Variants in ASPHD2 observed in about 807,000 individuals in gnomAD.
ASPHD2 encodes aspartate beta-hydroxylase domain-containing protein 2.
ASPHD2 carries 12 observed loss-of-function variants against 34.6 expected under a neutral mutation model. The observed-to-expected ratio is 0.35, with a 90% confidence interval of 0.22 to 0.56. The LOEUF (loss-of-function observed/expected upper bound fraction) is 0.56, where lower values mean the gene tolerates loss of function less well. Among genes scored for constraint, ASPHD2 ranks in the 20% least tolerant of loss-of-function variants. The pLI is 0.87. For synonymous variants in ASPHD2, 224 were observed against 212.2 expected (o/e 1.06, Z -0.48); for missense variants, 375 against 505.0 (o/e 0.74, Z 2.47).
intron 2 of ASPHD2, among the ~76,000 whole-genome samples, chr22:26,440,292 C>A (rs2084827604): frequency 6.6e-6 from 1 of 151,990 alleles, no homozygotes; most frequent in African/African-American, 2.4e-5. Flanking sequence ...AAGCATACGG[C>A]TTATTTTTTA....
At chr22:26,439,953 T>C (rs1414408683) in intron 2 of ASPHD2, among the ~76,000 whole-genome samples, 2 of 152,242 alleles carry the variant, frequency 1.3e-5, no homozygotes, top group Non-Finnish European at 2.9e-5. Context: ...AGGAAAGCTA[T>C]TTCATTTTTA....
In ASPHD2 at chr22:26,433,871, T is replaced by C. The variant is rs371186797; in HGVS notation, c.256T>C (p.Tyr86His). ...CGTGGGCAGGGAGCAGCCCCGGCCC[T>C]ACGTCTCCGTCAACTCCCTCATGCA... The part of the protein sequence containing the change: ...YHVGREQPRP[Y>H]VSVNSLMQAA... The change falls in exon 2 of 4, where the codon TAC (tyrosine) becomes CAC (histidine). Residue 86 changes from tyrosine (Y) to histidine (H), a missense_variant. This residue lies in a region of ASPHD2 where 223 missense variants were observed against 257.8 expected (regional missense o/e 0.87). Transcript: ENST00000215906. This position sits in a 1 kb window ranked among gnomAD's most constrained non-coding sequence, Gnocchi z 5.1. 1 of 1,613,762 alleles carries C rather than the reference T, an allele frequency of 6.2e-7. No homozygotes were observed. The highest frequency in any genetic ancestry group is 8.5e-7 in the Non-Finnish European group (1 of 1,180,054).
chr22:26,435,760 G>GAA (rs869136832), intron 2 of ASPHD2, among the ~76,000 whole-genome samples: 2 of 117,672 alleles, frequency 1.7e-5, no homozygotes, highest in South Asian at 2.6e-4. Context: ...GAAAAGAAAA[G>GAA]AAAAATATAA....
At chr22:26,441,352 C>T (rs1394365461) in intron 2 of ASPHD2, among the ~76,000 whole-genome samples, 1 of 152,064 alleles carries the variant, frequency 6.6e-6, no homozygotes, top group African/African-American at 2.4e-5. Flanking sequence ...ATGGTGCACA[C>T]CTATAGTCTC....
chr22:26,443,182 T>C lies in ASPHD2; in HGVS notation c.1086T>C (p.Asp362=). The C allele has an allele frequency of 6.2e-7, 1 of 1,614,150 alleles. No homozygotes were observed. Among genetic ancestry groups the C allele is most frequent in the South Asian group, 1.1e-5 (1 of 91,088 alleles). Residue 362 remains aspartate, a synonymous_variant, in exon 4 of 4, where the codon GAT becomes GAC. Coordinates refer to ENST00000215906, the MANE Select transcript of ASPHD2 (RefSeq NM_020437.5). The part of the protein sequence containing the change: ...NVAAAERQAL[D]FIFAPGR ...CAGCGGCCGAACGGCAGGCTCTTGA[T>C]TTCATCTTTGCTCCGGGACGATGAG...
chr22:26,442,434 C>T, intron 2 of ASPHD2, 25 bp from the exon 3 acceptor site: 1 of 1,527,302 alleles, frequency 6.5e-7, no homozygotes, highest in Non-Finnish European at 8.9e-7. Flanking sequence ...TGCCTTCACT[C>T]TCCTTTCTCT....
In ASPHD2 at chr22:26,433,945, C is replaced by T. The variant is rs1163125992; in HGVS notation, c.330C>T (p.Ser110=). The T allele has an allele frequency of 6.2e-7, 1 of 1,613,498 alleles. No individual in the cohort carries two copies. The highest frequency in any genetic ancestry group is 8.5e-7 in the Non-Finnish European group (1 of 1,180,036). The change falls in exon 2 of 4, where the codon TCC becomes TCT. Residue 110 remains serine, a synonymous_variant. Transcript: ENST00000215906. The surrounding 1 kb of genome is among the most constrained non-coding windows in gnomAD (Gnocchi z 5.1). Reference sequence around the variant, plus strand: ...AGAATGGCTACGTGTACTGCCAGTCCCCTGAGTGCGTGCGCTGCACCCACA... The same window carrying T: ...AGAATGGCTACGTGTACTGCCAGTCTCCTGAGTGCGTGCGCTGCACCCACA... ...GLQNGYVYCQ[S]PECVRCTHNE...
At position 26,442,568 on chromosome 22, in the gene ASPHD2, T is replaced by C. The variant is rs151138041; in HGVS notation, c.996T>C (p.His332=). ...ACTCTTTCCTGCATGCTGCGTTCCA[T>C]GAAGGTGAGTGGCTGCCTTTCCCAC... ...FDDSFLHAAF[H]EGSAEDGPRV... The change falls in exon 3 of 4, where the codon CAT becomes CAC. Residue 332 remains histidine (H), a synonymous_variant. Coordinates refer to ENST00000215906, the MANE Select transcript of ASPHD2 (RefSeq NM_020437.5). 12 of 1,596,260 alleles carry C rather than the reference T, an allele frequency of 7.5e-6. No homozygotes were observed. The highest frequency in any genetic ancestry group is 9.4e-6 in the Non-Finnish European group (11 of 1,168,732).
In ASPHD2 at chr22:26,433,873, C is replaced by T. The variant is rs1220158618; in HGVS notation, c.258C>T (p.Tyr86=). 2.5e-6 allele frequency: 4 copies of T among 1,613,746 alleles called. No individual in the cohort carries two copies. Among genetic ancestry groups the T allele is most frequent in the East Asian group, 2.2e-5 (1 of 44,886 alleles). Residue 86 remains tyrosine (Y), a synonymous_variant, in exon 2 of 4, where the codon TAC becomes TAT. Coordinates refer to ENST00000215906, the MANE Select transcript of ASPHD2 (RefSeq NM_020437.5). This position sits in a 1 kb window ranked among gnomAD's most constrained non-coding sequence, Gnocchi z 5.1. Reference sequence around the variant, plus strand: ...TGGGCAGGGAGCAGCCCCGGCCCTACGTCTCCGTCAACTCCCTCATGCAGG... The same window carrying T: ...TGGGCAGGGAGCAGCCCCGGCCCTATGTCTCCGTCAACTCCCTCATGCAGG... ...YHVGREQPRP[Y]VSVNSLMQAA...
chr22:26,429,337 G>A lies in ASPHD2; in HGVS notation c.-374G>A. 6.6e-6 allele frequency: 1 copy of A among 151,378 alleles called. No individual in the cohort carries two copies. Among genetic ancestry groups the A allele is most frequent in the Non-Finnish European group, 1.5e-5 (1 of 68,648 alleles). The allele number at this position is 151,378 out of a possible 1,614,324, so 9.4% of individuals were successfully genotyped here. A position where few individuals can be genotyped will look rare whatever the true frequency, so the allele number is the denominator to read the frequency against. ...GGGCACCGGCGCGGCTTAGGCTCGG[G>A]CTCGGGCTCCGGCTCGGGCTCCCGC... On this transcript the variant is annotated 5_prime_UTR_variant, in exon 1 of 4. Coordinates refer to ENST00000215906, the MANE Select transcript of ASPHD2 (RefSeq NM_020437.5). This position sits in a 1 kb window ranked among gnomAD's most constrained non-coding sequence, Gnocchi z 4.5.
Position 26,442,547 on chromosome 22 carries a change from T to C in ASPHD2, c.975T>C (p.Ser325=), listed in dbSNP as rs754914987. 6.2e-7 allele frequency: 1 copy of C among 1,609,808 alleles called. No homozygotes were observed. Among genetic ancestry groups the C allele is most frequent in the Admixed American group, 1.7e-5 (1 of 59,464 alleles). Residue 325 remains serine, a synonymous_variant, in exon 3 of 4, where the codon TCT becomes TCC. Transcript: ENST00000215906. ...GGCGCTGCCTTCTCTTTGATGACTC[T>C]TTCCTGCATGCTGCGTTCCATGAAG... ...AEGRCLLFDD[S]FLHAAFHEGS...
At chr22:26,436,484 G>C (rs906731397) in intron 2 of ASPHD2, among the ~76,000 whole-genome samples, 7 of 152,194 alleles carry the variant, frequency 4.6e-5, no homozygotes, top group African/African-American at 1.7e-4. Context: ...GTGCCGCCAG[G>C]GTGGAGCGAG....
rs374177116 is a variant in ASPHD2 at position 26,433,829 on chromosome 22, G to A, written c.214G>A (p.Val72Met). 27 of 1,613,944 alleles carry A rather than the reference G, an allele frequency of 1.7e-5. No individual in the cohort carries two copies. Among genetic ancestry groups the A allele is most frequent in the East Asian group, 1.3e-4 (6 of 44,884 alleles). ...ITVACLLVLF[V>M]WYCYHVGREQ... ...TGTGGCCTGCCTCCTGGTCCTCTTC[G>A]TGTGGTACTGTTATCACGTGGGCAG... The change falls in exon 2 of 4, where the codon GTG becomes ATG. Residue 72 changes from valine to methionine, a missense_variant. Physicochemically the swap from Val to Met is conservative, Grantham distance 21. This residue lies in a region of ASPHD2 where 223 missense variants were observed against 257.8 expected (regional missense o/e 0.87). Coordinates refer to ENST00000215906, the MANE Select transcript of ASPHD2 (RefSeq NM_020437.5). The surrounding 1 kb of genome is among the most constrained non-coding windows in gnomAD (Gnocchi z 5.1).
chr22:26,434,778 A>C (rs541556347), intron 2 of ASPHD2, among the ~76,000 whole-genome samples: 1 of 152,336 alleles, frequency 6.6e-6, no homozygotes, highest in South Asian at 2.1e-4. Context: ...CCAAAATGGT[A>C]GCCACTAGAC....
At chr22:26,441,240 G>A (rs1026632717) in intron 2 of ASPHD2, among the ~76,000 whole-genome samples, 49 of 152,222 alleles carry the variant, frequency 3.2e-4, no homozygotes, top group African/African-American at 1.1e-3. Flanking sequence ...ACTTTGGGAG[G>A]CCAAGGTGGG....
Position 26,429,631 on chromosome 22 carries a change from G to C in ASPHD2, c.-225+145G>C, listed in dbSNP as rs1419100569. On this transcript the variant is annotated intron_variant, in intron 1 of 3. Coordinates refer to ENST00000215906, the MANE Select transcript of ASPHD2 (RefSeq NM_020437.5). This position sits in a 1 kb window ranked among gnomAD's most constrained non-coding sequence, Gnocchi z 4.5. ...CCGCCGCCGCCGCCGCCCCCGCCGA[G>C]GATGCTCCGGGACCCGGGCGCCCGC... The C allele has an allele frequency of 6.4e-6, 1 of 155,812 alleles. No individual in the cohort carries two copies. The allele number at this position is 155,812 out of a possible 1,614,324, so 9.7% of individuals were successfully genotyped here.
chr22:26,433,324 C>T lies in ASPHD2; in HGVS notation c.-224-68C>T. On this transcript the variant is annotated intron_variant, in intron 1 of 3. Transcript: ENST00000215906. This position sits in a 1 kb window ranked among gnomAD's most constrained non-coding sequence, Gnocchi z 5.1. ...ACTAGGATCCTACAGAACGATCTAA[C>T]ACTTTACATTTCAGTTGAGGACTTT... 1 of 470,032 alleles carries T rather than the reference C, an allele frequency of 2.1e-6. No homozygotes were observed. Among genetic ancestry groups the T allele is most frequent in the East Asian group, 4.1e-5 (1 of 24,414 alleles). 29.1% of individuals were successfully genotyped at this position (470,032 alleles called of 1,614,324 possible). A position where few individuals can be genotyped will look rare whatever the true frequency, so the allele number is the denominator to read the frequency against.
At position 26,442,774 on chromosome 22, in the gene ASPHD2, T is replaced by G. The variant is rs562138807; in HGVS notation, c.1000+202T>G. 5.9e-5 allele frequency among the ~76,000 whole-genome samples: 9 copies of G among 152,320 alleles called. No homozygotes were observed. The South Asian group carries it at 1.7e-3, about 28-fold the overall frequency. On this transcript the variant is annotated intron_variant, in intron 3 of 3. Coordinates refer to ENST00000215906, the MANE Select transcript of ASPHD2 (RefSeq NM_020437.5). ...TTGACATTAAGGTTCACTCTTGGTG[T>G]TGTCCATCCATTCTGTGGGTTTCGC...
intron 2 of ASPHD2, among the ~76,000 whole-genome samples, chr22:26,436,056 G>C (rs1234256305): frequency 1.3e-5 from 2 of 152,218 alleles, no homozygotes; most frequent in African/African-American, 4.8e-5. Context: ...CTATTATCAA[G>C]GACTGTGTTG....
Sources: gnomAD v4.1 joint callset for allele counts (sites outside exome capture counted in the v4.1 genomes callset) on GRCh38, gnomAD v4.1.1 for gene constraint, gnomAD v4.1.1 regional missense constraint, Gnocchi (gnomAD v3.1) non-coding constraint, MANE v1.5 for transcripts, NCBI Gene and HGNC (gene_info 2026-07-23, HGNC 2026-07-21) for gene names.